The following PRICKLE4 variants were observed in gnomAD, a reference collection of about 807,000 sequenced individuals.
The protein encoded by PRICKLE4 is prickle-like protein 4.
Under a neutral mutation model 43.5 loss-of-function variants are expected in PRICKLE4, and 40 were observed. That is an observed-to-expected ratio of 0.92 (90% CI 0.71 to 1.20). PRICKLE4 has a LOEUF of 1.20. PRICKLE4 is among the 50% of genes most tolerant of loss of function. The pLI is 0.00. For synonymous variants in PRICKLE4, 208 were observed against 197.4 expected, an observed-to-expected ratio of 1.05 and a Z score of -0.45; for missense variants, 527 against 491.2, an observed-to-expected ratio of 1.07 and a Z score of -0.69.
chr6:41,784,973 C>A lies in PRICKLE4; in HGVS notation c.279C>A (p.Ala93=), dbSNP rs768142560. The part of the protein sequence containing the change: ...YCLALGEEER[A]ELQLFCARRK... ...TGGCCCTTGGGGAGGAGGAGCGGGCCGAGCTGCAGCTCTTCTGTGCCAGGC... is the reference window on the plus strand; with the variant it reads ...TGGCCCTTGGGGAGGAGGAGCGGGCAGAGCTGCAGCTCTTCTGTGCCAGGC... Residue 93 remains alanine, a synonymous_variant, in exon 5 of 8, where the codon GCC becomes GCA. Transcript: ENST00000458694. 1 of 1,613,974 alleles carries A rather than the reference C, an allele frequency of 6.2e-7. No homozygotes were observed. Among genetic ancestry groups the A allele is most frequent in the Admixed American group, 1.7e-5 (1 of 59,948 alleles).
At chr6:41,781,947 A>G (rs890108659) in intron 2 of PRICKLE4, among the ~76,000 whole-genome samples, 5 of 152,030 alleles carry the variant, frequency 3.3e-5, no homozygotes, top group East Asian at 1.9e-4. Context: ...TTTTTTCTCC[A>G]GGGTTTTTGT....
intron 6 of PRICKLE4, among the ~76,000 whole-genome samples, chr6:41,785,762 G>A (rs923073154): frequency 3.3e-5 from 5 of 152,186 alleles, no homozygotes; most frequent in Non-Finnish European, 5.9e-5. Context: ...TCCCTCAAAT[G>A]TTCCTGGACT....
At chr6:41,783,693 G>C (rs1042508822) in intron 3 of PRICKLE4, 88 bp downstream of exon 3, 4 of 1,577,386 alleles carry the variant, frequency 2.5e-6, no homozygotes, top group Non-Finnish European at 3.5e-6. Flanking sequence ...GAGGTAGTTT[G>C]ACTTCGTGCC....
intron 4 of PRICKLE4, 190 bp from the exon 5 acceptor site, chr6:41,784,745 G>A (rs1036923331): frequency 3.0e-6 from 2 of 668,864 alleles, no homozygotes; most frequent in East Asian, 2.8e-5. Flanking sequence ...TAGTGGGGCA[G>A]GGTGAGACTG....
Position 41,787,133 on chromosome 6 carries a change from C to T in PRICKLE4, c.*4C>T, listed in dbSNP as rs1202181908. On this transcript the variant is annotated 3_prime_UTR_variant, in exon 8 of 8. Transcript: ENST00000458694. ...GACGCACTGCACCATGTGCTAGTGG[C>T]GCAGCTCAGAGAGGGGATGTGAGTG... The T allele has an allele frequency of 2.9e-5, 46 of 1,595,354 alleles. No homozygotes were observed. The highest frequency in any genetic ancestry group is 3.9e-5 in the Non-Finnish European group (46 of 1,174,332).
chr6:41,786,461 C>A, intron 7 of PRICKLE4, 129 bp downstream of exon 7: 1 of 1,170,482 alleles, frequency 8.5e-7, no homozygotes, highest in Non-Finnish European at 1.2e-6. Context: ...CCGCACCCCC[C>A]AGACCCAAGC....
chr6:41,784,047 A>G (rs746286097), intron 3 of PRICKLE4, 84 bp from the exon 4 acceptor site: 10 of 995,716 alleles, frequency 1.0e-5, no homozygotes, highest in Non-Finnish European at 6.0e-6. Flanking sequence ...AGATTGGAGA[A>G]GAGGTGGCAA....
In PRICKLE4 at chr6:41,784,188, T is replaced by C. The variant is rs1581978018; in HGVS notation, c.190T>C (p.Trp64Arg). 3.1e-6 allele frequency: 5 copies of C among 1,614,094 alleles called. No homozygotes were observed. In the South Asian group the frequency reaches 4.4e-5, roughly 14 times the overall value. The change falls in exon 4 of 8, where the codon TGG (tryptophan) becomes CGG (arginine). Residue 64 changes from tryptophan to arginine, a missense_variant. Trp to Arg is a moderately radical substitution (Grantham distance 101, BLOSUM62 -3). Transcript: ENST00000458694. Reference sequence around the variant, plus strand: ...CCTGGACACCAACCAAGCCCCCAACTGGACTGGACTTCAGACCCTCCTGCA... The same window carrying C: ...CCTGGACACCAACCAAGCCCCCAACCGGACTGGACTTCAGACCCTCCTGCA... ...LCLDTNQAPN[W>R]TGLQTLLQQL...
At position 41,787,237 on chromosome 6, in the gene PRICKLE4, A is replaced by G; in HGVS notation, c.*108A>G. 1 of 1,434,520 alleles carries G rather than the reference A, an allele frequency of 7.0e-7. No homozygotes were observed. The allele number at this position is 1,434,520 out of a possible 1,614,324, so 88.9% of individuals were successfully genotyped here. A position where few individuals can be genotyped will look rare whatever the true frequency, so the allele number is the denominator to read the frequency against. ...CCTAGACTGAGACGCAGTCAGGCGCACGCCCGCAAGAGGCGGCGAGGTGAC... is the reference window on the plus strand; with the variant it reads ...CCTAGACTGAGACGCAGTCAGGCGCGCGCCCGCAAGAGGCGGCGAGGTGAC... On this transcript the variant is annotated 3_prime_UTR_variant, in exon 8 of 8. Coordinates refer to ENST00000458694, the MANE Select transcript of PRICKLE4 (RefSeq NM_013397.6).
At position 41,785,366 on chromosome 6, in the gene PRICKLE4, C is replaced by T. The variant is rs749793325; in HGVS notation, c.408C>T (p.Tyr136=). Residue 136 remains tyrosine, a synonymous_variant, in exon 6 of 8, where the codon TAC becomes TAT. Transcript: ENST00000458694. ...KCRELLKPGE[Y]GVFAARAGEQ... is the part of the protein sequence containing the mutation. ...GGGAGCTGCTGAAGCCAGGGGAGTA[C>T]GGAGTGTTTGCAGCCCGGGCAGGGG... 5.0e-6 allele frequency: 8 copies of T among 1,613,978 alleles called. No homozygotes were observed. The highest frequency in any genetic ancestry group is 1.1e-5 in the South Asian group (1 of 91,080).
In PRICKLE4 at chr6:41,783,818, G is replaced by T. The variant is rs768031644; in HGVS notation, c.132+213G>T. On this transcript the variant is annotated intron_variant, in intron 3 of 7. Coordinates refer to ENST00000458694, the MANE Select transcript of PRICKLE4 (RefSeq NM_013397.6). ...GAGTATTCATTATCTCTCCTAGGGG[G>T]TCTGTATTGTCAAACCAGACTCTAG... is the stretch of plus-strand genomic sequence containing the variant. The T allele has an allele frequency of 3.8e-6, 3 of 790,362 alleles. No individual in the cohort carries two copies. In the East Asian group the frequency reaches 8.0e-5, roughly 21 times the overall value. 49.0% of individuals were successfully genotyped at this position (790,362 alleles called of 1,614,324 possible).
chr6:41,782,393 T>TTC, intron 2 of PRICKLE4, among the ~76,000 whole-genome samples: 1 of 125,968 alleles, frequency 7.9e-6, no homozygotes, highest in Non-Finnish European at 1.7e-5. Context: ...CTTCTTTTTT[T>TTC]TTTTTTTTTT....
At chr6:41,783,799 T>A in intron 3 of PRICKLE4, 194 bp downstream of exon 3, 3 of 821,136 alleles carry the variant, frequency 3.7e-6, no homozygotes, top group Non-Finnish European at 6.2e-6. Flanking sequence ...ACATGAGTAT[T>A]CATTATCTCT....
chr6:41,785,702 TG>T (rs1479782785), intron 6 of PRICKLE4, among the ~76,000 whole-genome samples, 162 bp downstream of exon 6: 1 of 152,206 alleles, frequency 6.6e-6, no homozygotes, highest in Non-Finnish European at 1.5e-5. Context: ...ACTTGAGCTC[TG>T]GGCATGTAGG....
Position 41,787,066 on chromosome 6 carries a change from G to T in PRICKLE4, c.1092G>T (p.Lys364Asn). 6.2e-7 allele frequency: 1 copy of T among 1,613,424 alleles called. No individual in the cohort carries two copies. Among genetic ancestry groups the T allele is most frequent in the Admixed American group, 1.7e-5 (1 of 60,014 alleles). The change falls in exon 8 of 8, where the codon AAG becomes AAT. Residue 364 changes from lysine to asparagine, a missense_variant. Physicochemically the swap from Lys to Asn is moderately conservative, Grantham distance 94. Coordinates refer to ENST00000458694, the MANE Select transcript of PRICKLE4 (RefSeq NM_013397.6). Reference sequence around the variant, plus strand: ...GCGAGCGCCTTCCCCAGTCCTGGAAGACCCCCGGAAGCCTCCAAGCAGAGG... The same window carrying T: ...GCGAGCGCCTTCCCCAGTCCTGGAATACCCCCGGAAGCCTCCAAGCAGAGG... ...FLGERLPQSW[K>N]TPGSLQAEDS...
chr6:41,784,100 T>C lies in PRICKLE4; in HGVS notation c.133-31T>C, dbSNP rs778699841. The C allele has an allele frequency of 1.4e-5, 22 of 1,521,496 alleles. No homozygotes were observed. In the Admixed American group the frequency reaches 1.5e-4, roughly 10 times the overall value. The allele number at this position is 1,521,496 out of a possible 1,614,324, so 94.2% of individuals were successfully genotyped here. On this transcript the variant is annotated intron_variant, in intron 3 of 7. Transcript: ENST00000458694. ...GGAGAAAGGAAAGAAAAACCTAGTT[T>C]CACTCCTCCCCTTCTTCCATGTCTC...
In PRICKLE4 at chr6:41,785,071, A is replaced by G; in HGVS notation, c.377A>G (p.Lys126Arg). 6.2e-7 allele frequency: 1 copy of G among 1,613,550 alleles called. No homozygotes were observed. The highest frequency in any genetic ancestry group is 8.5e-7 in the Non-Finnish European group (1 of 1,179,788). ...AAGCTTGAAGGACACACCTGTGAGAAGGTATGTAGCACCCCTCCCCCCAAA... is the reference window on the plus strand; with the variant it reads ...AAGCTTGAAGGACACACCTGTGAGAGGGTATGTAGCACCCCTCCCCCCAAA... ...LPKLEGHTCEKCRELLKPGEY... is the reference protein window; with the variant it reads ...LPKLEGHTCERCRELLKPGEY... The change falls in exon 5 of 8, where the codon AAG becomes AGG. Residue 126 changes from lysine (K) to arginine (R), a missense_variant and splice_region_variant. Transcript: ENST00000458694.
intron 2 of PRICKLE4, among the ~76,000 whole-genome samples, chr6:41,781,978 T>C (rs1454117724): frequency 6.6e-6 from 1 of 152,222 alleles, no homozygotes; most frequent in Non-Finnish European, 1.5e-5. Context: ...CGAGCTCTGA[T>C]TGATCCCATT....
rs775259823 is a variant in PRICKLE4 at position 41,787,041 on chromosome 6, G to A, written c.1067G>A (p.Gly356Asp). 6 of 1,613,724 alleles carry A rather than the reference G, an allele frequency of 3.7e-6. No individual in the cohort carries two copies. The highest frequency in any genetic ancestry group is 2.7e-5 in the African/African-American group (2 of 74,866). Residue 356 changes from glycine (G) to aspartate (D), a missense_variant, in exon 8 of 8, where the codon GGC becomes GAC. Transcript: ENST00000458694. ...TCGGAACCTGAAGGATTTTTCTTAG[G>A]CGAGCGCCTTCCCCAGTCCTGGAAG... ...SDSEPEGFFL[G>D]ERLPQSWKTP...
Sources: allele counts gnomAD v4.1 joint callset (sites outside exome capture counted in the v4.1 genomes callset), GRCh38; gene constraint gnomAD v4.1.1; transcripts MANE v1.5; gene names NCBI Gene and HGNC (gene_info 2026-07-23, HGNC 2026-07-21).